PCDH15: variants seen among roughly 807,000 people sequenced by gnomAD.
The protein encoded by PCDH15 is protocadherin-15.
PCDH15 carries 129 observed loss-of-function variants against 178.5 expected under a neutral mutation model. That is an observed-to-expected ratio of 0.72 (90% CI 0.63 to 0.84). The LOEUF is 0.84. Among genes scored for constraint, PCDH15 ranks in the 40% least tolerant of loss-of-function variants. The pLI is 0.00. For synonymous variants in PCDH15, 800 were observed against 732.0 expected, an observed-to-expected ratio of 1.09 and a Z score of -1.50; for missense variants, 2,230 against 2,099.9, an observed-to-expected ratio of 1.06 and a Z score of -1.21.
intron 13 of PCDH15, among the ~76,000 whole-genome samples, chr10:54,159,931 C>A (rs996092380): frequency 6.6e-6 from 1 of 152,120 alleles, no homozygotes; most frequent in Non-Finnish European, 1.5e-5. Context: ...TAGATATGAG[C>A]AACCTCAGCA....
chr10:54,845,546 T>C (rs1953494253), intron 3 of PCDH15, among the ~76,000 whole-genome samples: 1 of 152,134 alleles, frequency 6.6e-6, no homozygotes, highest in Non-Finnish European at 1.5e-5. Context: ...TGCATGTAAT[T>C]GGGCAGGGAA....
chr10:54,958,008 A>C (rs2131881069), intron 2 of PCDH15, among the ~76,000 whole-genome samples: 1 of 151,872 alleles, frequency 6.6e-6, no homozygotes, highest in Non-Finnish European at 1.5e-5. Flanking sequence ...CCTTTCAATT[A>C]GAGACCAAAG....
In PCDH15 at chr10:55,213,529, A is replaced by G. The variant is rs1442221480; in HGVS notation, c.-155-46878T>C. Among the ~76,000 whole-genome samples the G allele has an allele frequency of 4.6e-5, 7 of 151,878 alleles. 2 individuals are homozygous for G. Among genetic ancestry groups the G allele is most frequent in the African/African-American group, 1.2e-4 (5 of 41,324 alleles). On this transcript the variant is annotated intron_variant, in intron 1 of 5. Coordinates refer to the PCDH15 transcript ENST00000458638. ...CTATGTTAACTTTGAGTTCATTTTTATAAGTTAAATTTTTTACATTTGTGT... is the reference window on the plus strand; with the variant it reads ...CTATGTTAACTTTGAGTTCATTTTTGTAAGTTAAATTTTTTACATTTGTGT...
At chr10:54,143,016 C>T in intron 14 of PCDH15, among the ~76,000 whole-genome samples, 1 of 152,018 alleles carries the variant, frequency 6.6e-6, no homozygotes. Flanking sequence ...ACAGAATTTC[C>T]AACAGCAAAA....
At chr10:54,374,811 C>G (rs549010751) in intron 4 of PCDH15, among the ~76,000 whole-genome samples, 1 of 151,932 alleles carries the variant, frequency 6.6e-6, no homozygotes, top group Non-Finnish European at 1.5e-5. Flanking sequence ...CATGTAAATG[C>G]TTTCTAATTA....
intron 1 of PCDH15, among the ~76,000 whole-genome samples, chr10:55,169,320 TGTCA>T (rs1839272168): frequency 6.6e-6 from 1 of 152,212 alleles, no homozygotes; most frequent in East Asian, 1.9e-4. Flanking sequence ...CAATTTTATC[TGTCA>T]ATTAAAAAAT....
intron 2 of PCDH15, among the ~76,000 whole-genome samples, chr10:54,954,222 T>C (rs1009932555): frequency 6.6e-6 from 1 of 151,336 alleles, no homozygotes; most frequent in Non-Finnish European, 1.5e-5. Flanking sequence ...GTCTCCTAAA[T>C]TATTTTAGCT....
chr10:53,818,125 A>G (rs939468459), intron 33 of PCDH15, 112 bp from the exon 34 acceptor site: 1 of 393,546 alleles, frequency 2.5e-6, no homozygotes, highest in African/African-American at 2.1e-5. Flanking sequence ...CTGAGAAGAC[A>G]ATTTCTACTA....
intron 2 of PCDH15, among the ~76,000 whole-genome samples, chr10:55,042,207 G>A (rs1840881153): frequency 6.6e-6 from 1 of 152,122 alleles, no homozygotes; most frequent in Non-Finnish European, 1.5e-5. Flanking sequence ...TCTGAAGGAA[G>A]AATAGGCATG....
intron 3 of PCDH15, among the ~76,000 whole-genome samples, chr10:54,431,020 A>T (rs147814300): frequency 6.6e-6 from 1 of 152,262 alleles, no homozygotes; most frequent in African/African-American, 2.4e-5. Context: ...GAGGAAATGG[A>T]TAAGTTCCTA....
chr10:54,178,158 T>C lies in PCDH15; in HGVS notation c.1590+5286A>G, dbSNP rs1479741968. Among the ~76,000 whole-genome samples, 4 of 152,100 alleles carry C rather than the reference T, an allele frequency of 2.6e-5. No individual in the cohort carries two copies. The East Asian group carries it at 7.7e-4, about 29-fold the overall frequency. On this transcript the variant is annotated intron_variant, in intron 13 of 37. Transcript: ENST00000644397. ...GGAAGTTTTTCATAAAAGGGTATAG[T>C]TGAGAGTTTCAAAAAGATTAAGGAC...
intron 29 of PCDH15, among the ~76,000 whole-genome samples, chr10:53,838,279 A>C (rs1017539472): frequency 5.3e-5 from 8 of 151,872 alleles, no homozygotes; most frequent in Admixed American, 3.3e-4. Context: ...CCGGCCAAAA[A>C]TTTATTTTAT....
intron 25 of PCDH15, among the ~76,000 whole-genome samples, chr10:53,905,636 C>T (rs999686515): frequency 2.0e-5 from 3 of 152,008 alleles, no homozygotes; most frequent in Non-Finnish European, 2.9e-5. Flanking sequence ...CATGCCTGGC[C>T]GACAATTCTT....
intron 2 of PCDH15, among the ~76,000 whole-genome samples, chr10:55,363,496 A>G (rs1294072864): frequency 6.6e-6 from 1 of 152,178 alleles, no homozygotes; most frequent in Non-Finnish European, 1.5e-5. Flanking sequence ...AGAAATTGAC[A>G]GTTATGTACA....
intron 1 of PCDH15, among the ~76,000 whole-genome samples, chr10:54,761,323 G>T (rs527918779): frequency 6.6e-6 from 1 of 152,018 alleles, no homozygotes; most frequent in African/African-American, 2.4e-5. Flanking sequence ...CCAAGAAACC[G>T]AATGACCTAG....
chr10:53,922,861 G>A (rs2084118130), intron 25 of PCDH15, among the ~76,000 whole-genome samples: 1 of 152,132 alleles, frequency 6.6e-6, no homozygotes, highest in Admixed American at 6.5e-5. Flanking sequence ...CTGGGGGTGG[G>A]TGGATCACGA....
chr10:55,091,526 C>T (rs1842317506), intron 2 of PCDH15, among the ~76,000 whole-genome samples: 1 of 151,866 alleles, frequency 6.6e-6, no homozygotes, highest in South Asian at 2.1e-4. Flanking sequence ...GCATAACTTT[C>T]AAGAGTTAAA....
At chr10:54,103,202 T>C (rs995528363) in intron 15 of PCDH15, among the ~76,000 whole-genome samples, 11 of 152,212 alleles carry the variant, frequency 7.2e-5, no homozygotes, top group African/African-American at 2.4e-4. Context: ...CCATTCTACA[T>C]AGAAGTTTTC....
intron 1 of PCDH15, among the ~76,000 whole-genome samples, chr10:54,680,648 C>T (rs2094882631): frequency 6.6e-6 from 1 of 152,168 alleles, no homozygotes; most frequent in Non-Finnish European, 1.5e-5. Context: ...CATTTTCCCC[C>T]ATACTGTTCT....
Sources: allele counts gnomAD v4.1 joint callset (sites outside exome capture counted in the v4.1 genomes callset), GRCh38; gene constraint gnomAD v4.1.1; transcripts MANE v1.5; gene names NCBI Gene and HGNC (gene_info 2026-07-23, HGNC 2026-07-21).